The following ARHGAP15 variants were observed in gnomAD, a reference collection of about 807,000 sequenced individuals.
ARHGAP15 encodes Rho GTPase activating protein 15.
A neutral mutation model predicts 63.7 loss-of-function variants in ARHGAP15; 51 were observed. That is an observed-to-expected ratio of 0.80 (90% CI 0.64 to 1.01). The LOEUF is 1.01. ARHGAP15 is among the 50% of genes least tolerant of loss of function. The pLI is 0.00. For synonymous variants in ARHGAP15, 191 were observed against 193.8 expected (o/e 0.99, Z 0.12); for missense variants, 560 against 564.6 (o/e 0.99, Z 0.08).
At chr2:143,591,258 T>C (rs1479510798) in intron 11 of ARHGAP15, among the ~76,000 whole-genome samples, 5 of 152,216 alleles carry the variant, frequency 3.3e-5, no homozygotes, top group Admixed American at 3.3e-4. Flanking sequence ...CCAATCGATG[T>C]GATTTTGCTT....
chr2:143,194,130 T>G (rs1218915347), intron 2 of ARHGAP15, among the ~76,000 whole-genome samples: 1 of 152,218 alleles, frequency 6.6e-6, no homozygotes, highest in Non-Finnish European at 1.5e-5. Flanking sequence ...AGGTAGATAA[T>G]TTTAACATTC....
intron 6 of ARHGAP15, among the ~76,000 whole-genome samples, chr2:143,282,037 A>G (rs1681875627): frequency 6.6e-6 from 1 of 152,064 alleles, no homozygotes; most frequent in Non-Finnish European, 1.5e-5. Flanking sequence ...AGTAGTTTTC[A>G]GTTTTAGTAA....
chr2:143,620,411 C>T (rs368565791), intron 11 of ARHGAP15, among the ~76,000 whole-genome samples: 1 of 152,260 alleles, frequency 6.6e-6, no homozygotes, highest in African/African-American at 2.4e-5. Flanking sequence ...AGAATCTGTG[C>T]CTTCTACAAG....
intron 3 of ARHGAP15, among the ~76,000 whole-genome samples, chr2:143,214,303 G>A (rs1692668903): frequency 6.6e-6 from 1 of 151,984 alleles, no homozygotes; most frequent in Admixed American, 6.6e-5. Flanking sequence ...TTTTTCTACG[G>A]TTACACAACA....
intron 11 of ARHGAP15, among the ~76,000 whole-genome samples, chr2:143,564,429 T>C (rs753548104): frequency 1.3e-5 from 2 of 152,126 alleles, no homozygotes; most frequent in African/African-American, 2.4e-5. Flanking sequence ...AATAAATATT[T>C]TTGAAGCTCA....
At chr2:143,637,945 A>G (rs1461802051) in intron 12 of ARHGAP15, among the ~76,000 whole-genome samples, 1 of 152,042 alleles carries the variant, frequency 6.6e-6, no homozygotes. Flanking sequence ...TCTAAACCGC[A>G]ATGAGATACC....
chr2:143,167,069 G>A (rs757689658), intron 2 of ARHGAP15, among the ~76,000 whole-genome samples: 48 of 152,060 alleles, frequency 3.2e-4, no homozygotes, highest in African/African-American at 6.0e-4. Flanking sequence ...GTTTCAACAC[G>A]AAAACTGAAC....
intron 6 of ARHGAP15, among the ~76,000 whole-genome samples, chr2:143,372,543 A>G (rs1271265559): frequency 6.6e-6 from 1 of 152,086 alleles, no homozygotes; most frequent in Non-Finnish European, 1.5e-5. Flanking sequence ...TCATAAATTT[A>G]TATATAAACT....
At chr2:143,737,178 T>C (rs1469361613) in intron 13 of ARHGAP15, among the ~76,000 whole-genome samples, 2 of 152,206 alleles carry the variant, frequency 1.3e-5, no homozygotes, top group Non-Finnish European at 2.9e-5. Context: ...GGTCAATATG[T>C]TTTACGGAGG....
At chr2:143,720,161 A>G (rs1370184208) in intron 13 of ARHGAP15, among the ~76,000 whole-genome samples, 2 of 152,144 alleles carry the variant, frequency 1.3e-5, no homozygotes, top group Non-Finnish European at 2.9e-5. Flanking sequence ...GAAGATGATG[A>G]CCAGAGAGAG....
At chr2:143,137,864 A>C (rs911658517) in intron 1 of ARHGAP15, among the ~76,000 whole-genome samples, 2 of 152,118 alleles carry the variant, frequency 1.3e-5, no homozygotes, top group Non-Finnish European at 2.9e-5. Flanking sequence ...TAAAGACTAG[A>C]AACTGAGCAA....
At chr2:143,428,943 C>A (rs1348676657) in intron 6 of ARHGAP15, among the ~76,000 whole-genome samples, 2 of 151,980 alleles carry the variant, frequency 1.3e-5, no homozygotes, top group Non-Finnish European at 2.9e-5. Flanking sequence ...CAGGATGATT[C>A]ATTTATCTAC....
intron 6 of ARHGAP15, among the ~76,000 whole-genome samples, chr2:143,417,017 G>C (rs1055588197): frequency 6.6e-6 from 1 of 152,180 alleles, no homozygotes; most frequent in African/African-American, 2.4e-5. Flanking sequence ...CGAAGTCTCT[G>C]TGGTTGAGGT....
chr2:143,611,997 A>C (rs1698273928), intron 11 of ARHGAP15, among the ~76,000 whole-genome samples: 2 of 152,158 alleles, frequency 1.3e-5, no homozygotes, highest in African/African-American at 4.8e-5. Flanking sequence ...ACTAATTTGC[A>C]TATTCCTACT....
rs560692055 is a variant in ARHGAP15, at chr2:143,226,689, T to C, written c.297-1892T>C. ...GTTTTGTTTTTTCATCTTTTCATTATTTAATTGAAAAATTGATACTCTTCA... is the reference window on the plus strand; with the variant it reads ...GTTTTGTTTTTTCATCTTTTCATTACTTAATTGAAAAATTGATACTCTTCA... On this transcript the variant is annotated intron_variant, in intron 4 of 13. Transcript: ENST00000295095. Among the ~76,000 whole-genome samples the C allele has an allele frequency of 3.3e-5, 5 of 152,358 alleles. No homozygotes were observed. The South Asian group carries it at 1.0e-3, about 32-fold the overall frequency.
At chr2:143,150,126 A>C (rs1307478490) in intron 1 of ARHGAP15, among the ~76,000 whole-genome samples, 2 of 152,106 alleles carry the variant, frequency 1.3e-5, no homozygotes, top group African/African-American at 4.8e-5. Flanking sequence ...AGTATACCCA[A>C]GCCTACATTT....
chr2:143,287,288 C>G (rs576881534), intron 6 of ARHGAP15, among the ~76,000 whole-genome samples: 34 of 152,250 alleles, frequency 2.2e-4, no homozygotes, highest in African/African-American at 7.9e-4. Flanking sequence ...AGAGATTAGA[C>G]TTAATCTAAT....
chr2:143,679,711 T>G (rs1203077578), intron 12 of ARHGAP15, among the ~76,000 whole-genome samples: 4 of 151,746 alleles, frequency 2.6e-5, no homozygotes, highest in African/African-American at 9.7e-5. Context: ...GCTTAGGTCC[T>G]CAGGTGGAAC....
intron 12 of ARHGAP15, among the ~76,000 whole-genome samples, chr2:143,649,451 A>AT (rs1011126096): frequency 2.6e-5 from 4 of 151,786 alleles, no homozygotes; most frequent in African/African-American, 9.7e-5. Context: ...CATTATAAAC[A>AT]TTTTTTTTAG....
Sources: allele counts gnomAD v4.1 joint callset (sites outside exome capture counted in the v4.1 genomes callset), GRCh38; gene constraint gnomAD v4.1.1; transcripts MANE v1.5; gene names NCBI Gene and HGNC (gene_info 2026-07-23, HGNC 2026-07-21).